Variants in PSG3 observed in about 807,000 individuals in gnomAD.
The protein encoded by PSG3 is pregnancy specific beta-1-glycoprotein 3.
Under a neutral mutation model 47.5 loss-of-function variants are expected in PSG3, and 61 were observed. That is an observed-to-expected ratio of 1.28 (90% CI 1.05 to 1.59). PSG3 has a LOEUF of 1.59. Ranked by LOEUF, PSG3 falls within the 40% of genes most tolerant of loss-of-function variation. The probability of loss-of-function intolerance (pLI) is 0.00; values close to 1 mark genes in which losing one functional copy is unlikely to be tolerated. For synonymous variants in PSG3, 263 were observed against 198.4 expected (o/e 1.33, Z -2.74); for missense variants, 756 against 524.0 (o/e 1.44, Z -4.32).
intron 2 of PSG3, 132 bp from the exon 3 acceptor site, chr19:42,733,194 T>A: frequency 2.0e-6 from 3 of 1,495,428 alleles, no homozygotes; most frequent in Non-Finnish European, 2.7e-6. Context: ...CAGGTGTGTG[T>A]GTTACAAGAC....
rs767985335 is a variant in PSG3 at position 42,729,188 on chromosome 19, G to A, written c.1178C>T (p.Ala393Val). The A allele has an allele frequency of 3.7e-6, 6 of 1,613,898 alleles. No homozygotes were observed. The highest frequency in any genetic ancestry group is 5.1e-6 in the Non-Finnish European group (6 of 1,179,886). ...QITTKHSGLY[A>V]CSVRNSATGM... is the part of the protein sequence containing the mutation. Reference sequence around the variant, plus strand: ...AGTGGCTGAGTTACGAACAGAGCAAGCATAGAGCCCGCTATGCTTTGTAGT... The same window carrying A: ...AGTGGCTGAGTTACGAACAGAGCAAACATAGAGCCCGCTATGCTTTGTAGT... Residue 393 changes from alanine to valine, a missense_variant, in exon 5 of 7, where the codon GCT (alanine) becomes GTT (valine). Transcript: ENST00000327495.
At position 42,738,956 on chromosome 19, in the gene PSG3, G is replaced by C. The variant is rs766437572; in HGVS notation, c.198C>G (p.Ile66Met). ...GGTCCTTCATTTGCCCTTTGTACCA[G>C]ATGTAGCCAGCAAGATTCTGGGGCA... ...HNLPQNLAGY[I>M]WYKGQMKDLY... Residue 66 changes from isoleucine to methionine, a missense_variant, in exon 2 of 7, where the codon ATC (isoleucine) becomes ATG (methionine). Coordinates refer to ENST00000327495, the MANE Select transcript of PSG3 (RefSeq NM_021016.4). The C allele has an allele frequency of 1.2e-6, 2 of 1,614,054 alleles. No individual in the cohort carries two copies. Among genetic ancestry groups the C allele is most frequent in the Admixed American group, 1.7e-5 (1 of 60,018 alleles).
intron 2 of PSG3, among the ~76,000 whole-genome samples, chr19:42,737,504 G>C (rs912163732): frequency 6.6e-6 from 1 of 151,976 alleles, no homozygotes; most frequent in Non-Finnish European, 1.5e-5. Context: ...GTTCAGTGAT[G>C]GTGGTTAAGA....
chr19:42,732,977 C>T lies in PSG3; in HGVS notation c.516G>A (p.Glu172=). ...ACCACAGGTAGCTTGCGTCCGGAGT[C>T]TCAGGATCACAGGTTAAGCTCACAG... is the stretch of plus-strand genomic sequence containing the variant. ...MEAVSLTCDP[E]TPDASYLWWM... The change falls in exon 3 of 7, where the codon GAG becomes GAA. Residue 172 remains glutamate (E), a synonymous_variant. Coordinates refer to ENST00000327495, the MANE Select transcript of PSG3 (RefSeq NM_021016.4). The T allele has an allele frequency of 1.2e-6, 2 of 1,614,160 alleles. No individual in the cohort carries two copies. Among genetic ancestry groups the T allele is most frequent in the Non-Finnish European group, 1.7e-6 (2 of 1,180,028 alleles).
Position 42,729,254 on chromosome 19 carries a change from T to C in PSG3, c.1112A>G (p.Lys371Arg). Residue 371 changes from lysine (K) to arginine (R), a missense_variant, in exon 5 of 7, where the codon AAG becomes AGG. By Grantham distance (26) the Lys-to-Arg change is conservative (BLOSUM62 2). Coordinates refer to ENST00000327495, the MANE Select transcript of PSG3 (RefSeq NM_021016.4). ...GAGCTTTTGTCCTGATAGCTGAAACTTCCCATTAATTGTCCAAGAATATTC... is the reference window on the plus strand; with the variant it reads ...GAGCTTTTGTCCTGATAGCTGAAACCTCCCATTAATTGTCCAAGAATATTC... The part of the protein sequence containing the change: ...PAEYSWTING[K>R]FQLSGQKLFI... 6.2e-7 allele frequency: 1 copy of C among 1,614,072 alleles called. No homozygotes were observed. The highest frequency in any genetic ancestry group is 8.5e-7 in the Non-Finnish European group (1 of 1,179,924).
At chr19:42,739,230 A>T in intron 1 of PSG3, 141 bp from the exon 2 acceptor site, 1 of 1,317,926 alleles carries the variant, frequency 7.6e-7, no homozygotes, top group Non-Finnish European at 1.0e-6. Context: ...ACACACACAC[A>T]CAAAAGGGGC....
Position 42,729,719 on chromosome 19 carries a change from C to A in PSG3, c.988+59G>T, listed in dbSNP as rs946823845. Reference sequence around the variant, plus strand: ...CCAGAGAGAGAGTGAGAGGCCTGGCCTCTGGTCGTTTTGATTTAAGCTGGT... The same window carrying A: ...CCAGAGAGAGAGTGAGAGGCCTGGCATCTGGTCGTTTTGATTTAAGCTGGT... On this transcript the variant is annotated intron_variant, in intron 4 of 6. Transcript: ENST00000327495. The A allele has an allele frequency of 8.9e-6, 14 of 1,578,616 alleles. No individual in the cohort carries two copies. In the African/African-American group the frequency reaches 1.2e-4, roughly 14 times the overall value.
In PSG3 at chr19:42,729,269, C is replaced by T. The variant is rs202207386; in HGVS notation, c.1097G>A (p.Trp366Ter). 2.1e-4 allele frequency: 337 copies of T among 1,614,038 alleles called. No homozygotes were observed. The Admixed American group carries it at 2.1e-3, about 10-fold the overall frequency. Reference protein sequence around the residue: ...ADSNPPAEYSWTINGKFQLSG... With the variant: ...ADSNPPAEYS ...TAGCTGAAACTTCCCATTAATTGTC[C>T]AAGAATATTCTGCTGGTGGGTTAGA... is the stretch of plus-strand genomic sequence containing the variant. The change falls in exon 5 of 7, where the codon TGG becomes TAG. Residue 366 changes from tryptophan to a stop codon, truncating the protein, a stop_gained. Transcript: ENST00000327495. LOFTEE classifies it high-confidence loss of function.
At chr19:42,734,366 C>G (rs186132173) in intron 2 of PSG3, among the ~76,000 whole-genome samples, 2 of 152,292 alleles carry the variant, frequency 1.3e-5, no homozygotes, top group East Asian at 1.9e-4. Flanking sequence ...TTTTTAGCAT[C>G]ACATCAGTGG....
chr19:42,726,536 A>T (rs144088936), intron 5 of PSG3, among the ~76,000 whole-genome samples: 2 of 152,232 alleles, frequency 1.3e-5, no homozygotes, highest in African/African-American at 4.8e-5. Context: ...ATTTCAATTT[A>T]TATTAACATC....
intron 5 of PSG3, among the ~76,000 whole-genome samples, 200 bp downstream of exon 5, chr19:42,728,923 A>G (rs563495952): frequency 5.6e-4 from 85 of 152,290 alleles, no homozygotes; most frequent in Middle Eastern, 3.4e-3. Context: ...GGCCAGACAC[A>G]AGGTCAGCCA....
chr19:42,738,378 AT>A (rs1846133122), intron 2 of PSG3, among the ~76,000 whole-genome samples: 1 of 152,150 alleles, frequency 6.6e-6, no homozygotes, highest in African/African-American at 2.4e-5. Flanking sequence ...AGAGTATTTC[AT>A]GGGGCCCCTG....
intron 6 of PSG3, among the ~76,000 whole-genome samples, chr19:42,723,509 T>G (rs1462579867): frequency 6.6e-6 from 1 of 152,166 alleles, no homozygotes; most frequent in Non-Finnish European, 1.5e-5. Context: ...GATTCTTGAT[T>G]AAGTGAATTA....
At chr19:42,730,832 G>A (rs964923490) in intron 3 of PSG3, among the ~76,000 whole-genome samples, 1 of 152,220 alleles carries the variant, frequency 6.6e-6, no homozygotes, top group Non-Finnish European at 1.5e-5. Context: ...GGGCAGGTGA[G>A]GACCATGTGG....
intron 6 of PSG3, among the ~76,000 whole-genome samples, chr19:42,723,448 G>C (rs1489677145): frequency 1.3e-5 from 2 of 152,338 alleles, no homozygotes; most frequent in South Asian, 2.1e-4. Context: ...AGAAGGCTTA[G>C]TAAATAGAAG....
rs138691772 is a variant in PSG3, at chr19:42,728,432, C to T, written c.1243+691G>A. Among the ~76,000 whole-genome samples, 1,416 of 152,288 alleles carry T rather than the reference C, an allele frequency of 9.3e-3. 20 individuals carry two copies. Among genetic ancestry groups the T allele is most frequent in the African/African-American group, 0.03 (1,239 of 41,564 alleles). ...TGCTGTGCCCACAGCCTCATACAGCCGGTGACTTCAGAGCCAGGACACAGC... is the reference window on the plus strand; with the variant it reads ...TGCTGTGCCCACAGCCTCATACAGCTGGTGACTTCAGAGCCAGGACACAGC... On this transcript the variant is annotated intron_variant, in intron 5 of 6. Coordinates refer to ENST00000327495, the MANE Select transcript of PSG3 (RefSeq NM_021016.4).
chr19:42,736,447 A>T lies in PSG3; in HGVS notation c.430+2277T>A, dbSNP rs138726748. ...CCGCATGATTCCATCACCAATCAGCAGTACTCATTTTTTAGTCCTGTGCCC... is the reference window on the plus strand; with the variant it reads ...CCGCATGATTCCATCACCAATCAGCTGTACTCATTTTTTAGTCCTGTGCCC... On this transcript the variant is annotated intron_variant, in intron 2 of 6. Coordinates refer to ENST00000327495, the MANE Select transcript of PSG3 (RefSeq NM_021016.4). Among the ~76,000 whole-genome samples, 182 of 152,274 alleles carry T rather than the reference A, an allele frequency of 1.2e-3. 1 individual carries two copies. Among genetic ancestry groups the T allele is most frequent in the African/African-American group, 4.1e-3 (171 of 41,544 alleles).
intron 4 of PSG3, among the ~76,000 whole-genome samples, 179 bp downstream of exon 4, chr19:42,729,599 A>G (rs1345175839): frequency 6.6e-6 from 1 of 152,126 alleles, no homozygotes; most frequent in African/African-American, 2.4e-5. Flanking sequence ...CCCTCCCCTT[A>G]TATTCTTGGT....
At chr19:42,723,907 T>G in intron 6 of PSG3, 35 bp downstream of exon 6, 1 of 1,500,674 alleles carries the variant, frequency 6.7e-7, no homozygotes, top group Non-Finnish European at 9.3e-7. Context: ...CAGTTAGCCC[T>G]GCAGGAACCA....
Sources: gnomAD v4.1 joint callset for allele counts (sites outside exome capture counted in the v4.1 genomes callset) on GRCh38, gnomAD v4.1.1 for gene constraint, MANE v1.5 for transcripts, NCBI Gene and HGNC (gene_info 2026-07-23, HGNC 2026-07-21) for gene names.